POU2F2: variants seen among roughly 807,000 people sequenced by gnomAD.
POU2F2 encodes POU class 2 homeobox 2.
In POU2F2, 14 loss-of-function variants were observed where a neutral mutation model predicts 63.5. That is an observed-to-expected ratio of 0.22 (90% CI 0.15 to 0.34). The LOEUF (loss-of-function observed/expected upper bound fraction) is 0.34, where lower values mean the gene tolerates loss of function less well. POU2F2 is among the 10% of genes least tolerant of loss of function. POU2F2 has a pLI of 1.00. For synonymous variants in POU2F2, 306 were observed against 348.6 expected (o/e 0.88, Z 1.36); for missense variants, 607 against 815.2 (o/e 0.74, Z 3.11).
At chr19:42,132,238 C>A (rs1600169067) in intron 1 of POU2F2, 146 bp downstream of exon 1, 3 of 874,096 alleles carry the variant, frequency 3.4e-6, no homozygotes, top group Non-Finnish European at 5.1e-6. Context: ...TTAGCGGGGA[C>A]CCGGCATGGG....
In POU2F2 at chr19:42,117,204, G is replaced by A; in HGVS notation, c.369+46C>T. 1 of 1,373,906 alleles carries A rather than the reference G, an allele frequency of 7.3e-7. No homozygotes were observed. 85.1% of individuals were successfully genotyped at this position (1,373,906 alleles called of 1,614,324 possible). ...TCCACTAGCCCTGTAACAGATGAGGGGTGGCTGGTTTGTCCCCTCGTCCCC... is the reference window on the plus strand; with the variant it reads ...TCCACTAGCCCTGTAACAGATGAGGAGTGGCTGGTTTGTCCCCTCGTCCCC... On this transcript the variant is annotated intron_variant, in intron 5 of 14. Coordinates refer to ENST00000692977, the MANE Select transcript of POU2F2 (RefSeq NM_001394376.1). The surrounding 1 kb of genome is among the most constrained non-coding windows in gnomAD (Gnocchi z 4.4).
intron 1 of POU2F2, among the ~76,000 whole-genome samples, chr19:42,185,703 A>G (rs985038054): frequency 3.9e-5 from 6 of 152,178 alleles, no homozygotes; most frequent in African/African-American, 1.4e-4. Flanking sequence ...TCATCCATTC[A>G]TCCATCCAAT....
At chr19:42,190,651 C>T (rs1222064654) in intron 1 of POU2F2, among the ~76,000 whole-genome samples, 4 of 151,960 alleles carry the variant, frequency 2.6e-5, no homozygotes, top group Admixed American at 6.6e-5. Flanking sequence ...GTCAGGAATT[C>T]GAGACCAGCC....
chr19:42,128,487 G>A (rs914303092), intron 1 of POU2F2, among the ~76,000 whole-genome samples: 1 of 152,100 alleles, frequency 6.6e-6, no homozygotes, highest in Admixed American at 6.5e-5. Context: ...ACAACAAAAT[G>A]GCCAACTGCT....
At chr19:42,172,598 T>C (rs1380497001) in intron 1 of POU2F2, among the ~76,000 whole-genome samples, 1 of 152,002 alleles carries the variant, frequency 6.6e-6, no homozygotes, top group African/African-American at 2.4e-5. Flanking sequence ...AAGGCCACCA[T>C]GTGGATCTGA....
rs567418878 is a variant in POU2F2 at position 42,191,961 on chromosome 19, C to T, written c.-70+4422G>A. On this transcript the variant is annotated intron_variant, in intron 1 of 5. Coordinates refer to the POU2F2 transcript ENST00000532176. The stretch of plus-strand genomic sequence containing the variant: ...TGTAAAATGAGGATACTAACACCAG[C>T]CTTCCAGGTTTGTGTCAGGCGTAAA... 1.5e-3 allele frequency among the ~76,000 whole-genome samples: 226 copies of T among 152,330 alleles called. 2 individuals carry two copies. Among genetic ancestry groups the T allele is most frequent in the Non-Finnish European group, 2.7e-3 (184 of 68,030 alleles).
intron 1 of POU2F2, among the ~76,000 whole-genome samples, chr19:42,129,581 C>T (rs1325666864): frequency 6.6e-6 from 1 of 152,248 alleles, no homozygotes; most frequent in Non-Finnish European, 1.5e-5. Context: ...TGCCCCTCAC[C>T]CCTCCTGGCC....
intron 5 of POU2F2, among the ~76,000 whole-genome samples, chr19:42,113,752 G>C (rs2031463916): frequency 6.6e-6 from 1 of 152,192 alleles, no homozygotes; most frequent in Admixed American, 6.5e-5. Flanking sequence ...GCCAGGAAAT[G>C]TTTGTGGAAT....
intron 1 of POU2F2, among the ~76,000 whole-genome samples, chr19:42,174,411 A>G (rs560595203): frequency 1.3e-5 from 2 of 152,316 alleles, no homozygotes; most frequent in East Asian, 1.9e-4. Context: ...GGGCCTGCAC[A>G]CGCGTGGACG....
intron 1 of POU2F2, among the ~76,000 whole-genome samples, chr19:42,174,927 C>T (rs2034844141): frequency 6.6e-6 from 1 of 152,124 alleles, no homozygotes; most frequent in African/African-American, 2.4e-5. Context: ...TCCACAGGCC[C>T]CAGGAAGGAG....
At chr19:42,151,142 C>A (rs1037860684) in intron 2 of POU2F2, among the ~76,000 whole-genome samples, 2 of 152,226 alleles carry the variant, frequency 1.3e-5, no homozygotes, top group African/African-American at 4.8e-5. Context: ...CCTGGGGACC[C>A]AGATGGGAGG....
At chr19:42,133,824 A>G (rs1243181035), upstream of POU2F2, among the ~76,000 whole-genome samples, 2 of 152,020 alleles carry the variant, frequency 1.3e-5, no homozygotes, top group Non-Finnish European at 2.9e-5. This position sits in a 1 kb window ranked among gnomAD's most constrained non-coding sequence, Gnocchi z 5.1. Context: ...ACCCACTCAC[A>G]CACAGGCACA....
chr19:42,124,303 C>CAAAA (rs1249716927), intron 1 of POU2F2, among the ~76,000 whole-genome samples: 14 of 43,930 alleles, frequency 3.2e-4, no homozygotes, highest in Admixed American at 4.8e-4. Context: ...GACCCTGTCT[C>CAAAA]AAAAAAAAAA....
In POU2F2 at chr19:42,087,939, G is replaced by A. The variant is rs2076599121; in HGVS notation, c.*3318C>T. On this transcript the variant is annotated 3_prime_UTR_variant, in exon 15 of 15. Coordinates refer to ENST00000692977, the MANE Select transcript of POU2F2 (RefSeq NM_001394376.1). ...AGATAGTTTTGTTTCCCGGAGTCGA[G>A]ACGGGGGACCAGAGTGTAAGGGGCA... The A allele has an allele frequency of 6.6e-6, 1 of 152,404 alleles. No individual in the cohort carries two copies. Among genetic ancestry groups the A allele is most frequent in the Non-Finnish European group, 1.5e-5 (1 of 68,122 alleles). The allele number at this position is 152,404 out of a possible 1,614,324, so 9.4% of individuals were successfully genotyped here.
chr19:42,122,230 C>A, intron 3 of POU2F2, 48 bp from the exon 4 acceptor site: 1 of 1,589,316 alleles, frequency 6.3e-7, no homozygotes, highest in Non-Finnish European at 8.6e-7. Context: ...TGCAGTGAAG[C>A]AGCTTCTGAC....
intron 2 of POU2F2, among the ~76,000 whole-genome samples, chr19:42,148,597 A>T (rs1440775305): frequency 6.6e-6 from 1 of 151,936 alleles, no homozygotes; most frequent in Non-Finnish European, 1.5e-5. Context: ...CTTGGAAAGG[A>T]CACCCAGGGT....
intron 4 of POU2F2, among the ~76,000 whole-genome samples, chr19:42,118,944 A>T (rs780207821): frequency 1.3e-5 from 2 of 152,206 alleles, no homozygotes; most frequent in Non-Finnish European, 2.9e-5. Context: ...GCCAAATAAT[A>T]GACAGTGAAT....
At chr19:42,123,583 A>G (rs575608953) in intron 1 of POU2F2, among the ~76,000 whole-genome samples, 2 of 152,296 alleles carry the variant, frequency 1.3e-5, no homozygotes, top group South Asian at 4.1e-4. Context: ...CACCTCCCCA[A>G]AAGCACAGCA....
Position 42,090,414 on chromosome 19 carries a change from A to T in POU2F2, c.*843T>A, listed in dbSNP as rs2146267142. 1 of 152,558 alleles carries T rather than the reference A, an allele frequency of 6.6e-6. No individual in the cohort carries two copies. The highest frequency in any genetic ancestry group is 2.0e-4 in the East Asian group (1 of 5,126). 9.5% of individuals were successfully genotyped at this position (152,558 alleles called of 1,614,324 possible). ...TGGCCTAGCCCACCCTTCAAAGGGG[A>T]AAAGAGGGAGGAACAGGGGATGAAA... On this transcript the variant is annotated 3_prime_UTR_variant, in exon 15 of 15. Coordinates refer to ENST00000692977, the MANE Select transcript of POU2F2 (RefSeq NM_001394376.1). This position sits in a 1 kb window ranked among gnomAD's most constrained non-coding sequence, Gnocchi z 4.4.
Sources: allele counts gnomAD v4.1 joint callset (sites outside exome capture counted in the v4.1 genomes callset), GRCh38; gene constraint gnomAD v4.1.1; non-coding constraint Gnocchi (gnomAD v3.1); transcripts MANE v1.5; gene names NCBI Gene and HGNC (gene_info 2026-07-23, HGNC 2026-07-21).